PKP2: variants seen among roughly 807,000 people sequenced by gnomAD.
PKP2 encodes the protein plakophilin 2, also known as plakophilin-2.
In PKP2, 73 loss-of-function variants were observed where a neutral mutation model predicts 83.4. That is an observed-to-expected ratio of 0.88 (90% CI 0.72 to 1.06). PKP2 has a LOEUF of 1.06. Among genes scored for constraint, PKP2 ranks in the 50% least tolerant of loss-of-function variants. The pLI, the probability that PKP2 is intolerant of heterozygous loss-of-function variation, is 0.00. For synonymous variants in PKP2, 409 were observed against 430.4 expected, an observed-to-expected ratio of 0.95 and a Z score of 0.62; for missense variants, 966 against 1,065.4, an observed-to-expected ratio of 0.91 and a Z score of 1.30.
Position 32,821,356 on chromosome 12 carries a change from T to C in PKP2, c.2013A>G (p.Pro671=), listed in dbSNP as rs1956373944. The change falls in exon 9 of 13, where the codon CCA becomes CCG. Residue 671 remains proline, a splice_region_variant and synonymous_variant. Transcript: ENST00000340811. ...ALQNLTAGSG[P]MPTSVAQTVV... ...GTAGGAAATCAGGCCCAATACTCAC[T>C]GGTCCACTTCCGGCCGTGAGGTTCT... The C allele has an allele frequency of 6.2e-7, 1 of 1,613,856 alleles. No individual in the cohort carries two copies.
intron 5 of PKP2, among the ~76,000 whole-genome samples, chr12:32,847,749 A>G (rs888796951): frequency 3.3e-5 from 5 of 152,166 alleles, no homozygotes; most frequent in African/African-American, 1.2e-4. Flanking sequence ...TTTAAGGTCC[A>G]CAATGAAACA....
rs113172522 is a variant in PKP2, at chr12:32,806,018, T to C, written c.2014-3462A>G. Among the ~76,000 whole-genome samples, 330 of 152,358 alleles carry C rather than the reference T, an allele frequency of 2.2e-3. 1 individual carries two copies. Among genetic ancestry groups the C allele is most frequent in the African/African-American group, 7.6e-3 (315 of 41,584 alleles). ...TGTTTATGTGATGAATCACGTTTAT[T>C]GATTTGCGAATGTTGAACCAACCTT... On this transcript the variant is annotated intron_variant, in intron 9 of 12. Transcript: ENST00000340811.
intron 4 of PKP2, among the ~76,000 whole-genome samples, chr12:32,861,700 G>A (rs1396701566): frequency 6.6e-6 from 1 of 152,078 alleles, no homozygotes; most frequent in Non-Finnish European, 1.5e-5. Context: ...GAACTCCCAA[G>A]CACAAAAAAC....
chr12:32,870,963 TA>T (rs1396734443), intron 3 of PKP2, among the ~76,000 whole-genome samples: 2 of 152,138 alleles, frequency 1.3e-5, no homozygotes, highest in Non-Finnish European at 2.9e-5. Flanking sequence ...ACTTTATCAC[TA>T]AAAAAATTCC....
rs1956067192 is a variant in PKP2, at chr12:32,791,611, C to G, written c.*813G>C. On this transcript the variant is annotated 3_prime_UTR_variant, in exon 13 of 13. Coordinates refer to ENST00000340811, the MANE Select transcript of PKP2 (RefSeq NM_001005242.3). ...TTTAGAAGAGATTTGGATTTAACGG[C>G]GTTGTTATAGGTAAAGTATCTCCTG... 1 of 152,122 alleles carries G rather than the reference C, an allele frequency of 6.6e-6. No individual in the cohort carries two copies. The highest frequency in any genetic ancestry group is 1.5e-5 in the Non-Finnish European group (1 of 68,034). The allele number at this position is 152,122 out of a possible 1,614,324, so 9.4% of individuals were successfully genotyped here.
intron 5 of PKP2, among the ~76,000 whole-genome samples, chr12:32,844,279 C>A (rs2137841139): frequency 6.6e-6 from 1 of 152,270 alleles, no homozygotes; most frequent in South Asian, 2.1e-4. Flanking sequence ...TACATATGCT[C>A]ATACACACAT....
chr12:32,802,515 A>G lies in PKP2; in HGVS notation c.2055T>C (p.Ser685=), dbSNP rs1248852494. Residue 685 remains serine (S), a synonymous_variant, in exon 10 of 13, where the codon AGT becomes AGC. Transcript: ENST00000340811. ...SVAQTVVQKE[S]GLQHTRKMLH... ...GCATCTTTCGGGTGTGCTGCAGGCC[A>G]CTTTCCTTCTGGACAACTGTCTGAG... 3.1e-6 allele frequency: 5 copies of G among 1,613,914 alleles called. No homozygotes were observed. In the East Asian group the frequency reaches 1.1e-4, roughly 36 times the overall value.
At chr12:32,849,121 A>G (rs896946588) in intron 5 of PKP2, among the ~76,000 whole-genome samples, 3 of 152,096 alleles carry the variant, frequency 2.0e-5, no homozygotes, top group African/African-American at 7.2e-5. Flanking sequence ...GGTTTCTGTG[A>G]TAATTAAATT....
intron 1 of PKP2, among the ~76,000 whole-genome samples, chr12:32,886,767 G>A (rs1315370401): frequency 6.6e-6 from 1 of 152,108 alleles, no homozygotes; most frequent in Non-Finnish European, 1.5e-5. Context: ...TGAGGTGGGT[G>A]GATCACTCGA....
At position 32,867,230 on chromosome 12, in the gene PKP2, G is replaced by A. The variant is rs147551552; in HGVS notation, c.1170+1697C>T. 2.7e-3 allele frequency among the ~76,000 whole-genome samples: 412 copies of A among 152,260 alleles called. 2 individuals carry two copies. The highest frequency in any genetic ancestry group is 9.3e-3 in the African/African-American group (388 of 41,542). On this transcript the variant is annotated intron_variant, in intron 4 of 12. Transcript: ENST00000340811. ...ATGGTCCCAGCTACCCAGGAGGCTG[G>A]GGTGGGAGGATTGCTTGAGCCCAGA...
chr12:32,846,532 G>A (rs554865053), intron 5 of PKP2, among the ~76,000 whole-genome samples: 48 of 152,158 alleles, frequency 3.2e-4, no homozygotes, highest in Admixed American at 4.6e-4. Context: ...ATCACCTGAG[G>A]TCGGGAGTTC....
At chr12:32,893,910 ACT>A (rs993465373) in intron 1 of PKP2, 3 of 109,418 alleles carry the variant, frequency 2.7e-5, no homozygotes, top group South Asian at 3.0e-4. Context: ...GGAGTAACTT[ACT>A]TTTTTTTTTT....
At chr12:32,828,274 C>T (rs948957530) in intron 6 of PKP2, among the ~76,000 whole-genome samples, 9 of 152,136 alleles carry the variant, frequency 5.9e-5, no homozygotes, top group African/African-American at 1.9e-4. Context: ...CCCTCTAGGA[C>T]CTCTTATCTC....
intron 1 of PKP2, among the ~76,000 whole-genome samples, chr12:32,892,039 T>C (rs1210900243): frequency 6.6e-6 from 1 of 152,074 alleles, no homozygotes; most frequent in Admixed American, 6.6e-5. Context: ...GTGCATTTAA[T>C]CCAGTGTGCT....
intron 6 of PKP2, among the ~76,000 whole-genome samples, chr12:32,826,305 CAAA>C (rs71068338): frequency 7.1e-5 from 6 of 84,666 alleles, no homozygotes; most frequent in Admixed American, 1.3e-4. Context: ...GACACCGTCT[CAAA>C]AAAAAAAAAA....
chr12:32,807,126 T>A (rs956502583), intron 9 of PKP2, among the ~76,000 whole-genome samples: 2 of 152,188 alleles, frequency 1.3e-5, no homozygotes, highest in Non-Finnish European at 1.5e-5. Context: ...TACTTCTGAT[T>A]ATGTGAACAA....
chr12:32,811,617 G>A (rs975574105), intron 9 of PKP2, among the ~76,000 whole-genome samples: 2 of 152,186 alleles, frequency 1.3e-5, no homozygotes, highest in African/African-American at 4.8e-5. Context: ...TGTGTTCACT[G>A]TGACGTGGAC....
chr12:32,821,703 T>C (rs11838127), intron 8 of PKP2, 174 bp from the exon 9 acceptor site: 1 of 616,030 alleles, frequency 1.6e-6, no homozygotes. Flanking sequence ...ACTTAACTTT[T>C]AGCCCATAAT....
intron 1 of PKP2, among the ~76,000 whole-genome samples, chr12:32,888,439 CCAGGGTTA>C (rs1957049333): frequency 6.6e-6 from 1 of 151,928 alleles, no homozygotes; most frequent in African/African-American, 2.4e-5. Context: ...CTCTCACGTG[CCAGGGTTA>C]ACCCCTCCCA....
Sources: allele counts gnomAD v4.1 joint callset (sites outside exome capture counted in the v4.1 genomes callset), GRCh38; gene constraint gnomAD v4.1.1; transcripts MANE v1.5; gene names NCBI Gene and HGNC (gene_info 2026-07-23, HGNC 2026-07-21).